Variants in TMEM234 observed in about 807,000 individuals in gnomAD.
TMEM234 encodes the protein chromosome 1 open reading frame 91.
Under a neutral mutation model 17.8 loss-of-function variants are expected in TMEM234, and 21 were observed. That is an observed-to-expected ratio of 1.18 (90% confidence interval 0.84 to 1.70). The LOEUF (loss-of-function observed/expected upper bound fraction) is 1.70, where lower values mean the gene tolerates loss of function less well. Ranked by LOEUF, TMEM234 falls within the 40% of genes most tolerant of loss-of-function variation. The pLI, the probability that TMEM234 is intolerant of heterozygous loss-of-function variation, is 0.00. For synonymous variants in TMEM234, 83 were observed against 73.5 expected (o/e 1.13, Z -0.66); for missense variants, 137 against 166.9 (o/e 0.82, Z 0.99).
At position 32,218,973 on chromosome 1, in the gene TMEM234, G is replaced by A. The variant is rs958362729; in HGVS notation, c.236-1622C>T. ...AACAAAAGAACAAAATTAGCCAGGC[G>A]TGGTGGCACATGCCCATAATCCCAG... On this transcript the variant is annotated intron_variant, in intron 3 of 4. Coordinates refer to ENST00000309777, the MANE Select transcript of TMEM234 (RefSeq NM_019118.5). 5.3e-5 allele frequency among the ~76,000 whole-genome samples: 8 copies of A among 152,106 alleles called. No individual in the cohort carries two copies. The South Asian group carries it at 8.3e-4, about 16-fold the overall frequency.
chr1:32,220,125 G>T (rs1045175245), intron 3 of TMEM234, among the ~76,000 whole-genome samples: 2 of 152,204 alleles, frequency 1.3e-5, no homozygotes, highest in Non-Finnish European at 2.9e-5. Flanking sequence ...CCACAGCAGT[G>T]AATGCATGAG....
chr1:32,215,469 C>A (rs11590013), downstream of TMEM234: 20,281 of 1,613,088 alleles, frequency 0.013, 168 homozygotes, highest in Non-Finnish European at 0.015. Flanking sequence ...AGCTCCCCAC[C>A]GAAGGAAGGA....
chr1:32,219,328 C>T (rs1638687071), intron 3 of TMEM234, among the ~76,000 whole-genome samples: 1 of 152,194 alleles, frequency 6.6e-6, no homozygotes, highest in South Asian at 2.1e-4. Context: ...GGAGGCATTA[C>T]CCATCTAAGA....
chr1:32,222,120 C>A (rs1426734248), intron 1 of TMEM234, 102 bp from the exon 2 acceptor site: 2 of 1,503,856 alleles, frequency 1.3e-6, no homozygotes, highest in African/African-American at 1.4e-5. Flanking sequence ...CCACTTCCCT[C>A]CTTCGCTCTC....
At chr1:32,218,530 C>T (rs1319966307) in intron 3 of TMEM234, among the ~76,000 whole-genome samples, 1 of 150,016 alleles carries the variant, frequency 6.7e-6, no homozygotes, top group Non-Finnish European at 1.5e-5. Context: ...CAGCCAGGCG[C>T]AGTGGCTCAT....
chr1:32,216,652 G>C lies in TMEM234; in HGVS notation c.*201C>G. ...GTAGAGTCTCCTGTGCTAAATCCCC[G>C]CAGCTGAACAGCACTTGAAGGTTAC... On this transcript the variant is annotated 3_prime_UTR_variant, in exon 5 of 5. Transcript: ENST00000309777. The C allele has an allele frequency of 6.6e-7, 1 of 1,509,026 alleles. No homozygotes were observed. Among genetic ancestry groups the C allele is most frequent in the Non-Finnish European group, 8.9e-7 (1 of 1,123,392 alleles). 93.5% of individuals were successfully genotyped at this position (1,509,026 alleles called of 1,614,324 possible).
chr1:32,222,125 G>C, intron 1 of TMEM234, 107 bp from the exon 2 acceptor site: 1 of 1,502,860 alleles, frequency 6.7e-7, no homozygotes, highest in Non-Finnish European at 8.9e-7. Flanking sequence ...TCCCTCCTTC[G>C]CTCTCTTCGC....
chr1:32,216,394 C>CG lies in TMEM234; in HGVS notation c.*458dup. On this transcript the variant is annotated 3_prime_UTR_variant, in exon 5 of 5. Transcript: ENST00000309777. ...GCCACTCCGACGCACCTTCTTCCCTCGGTTCCACCCCTCATTCAGCCAAAG... is the reference window on the plus strand; with the variant it reads ...GCCACTCCGACGCACCTTCTTCCCTCGGGTTCCACCCCTCATTCAGCCAAAG... 1.3e-6 allele frequency: 2 copies of CG among 1,551,388 alleles called. No individual in the cohort carries two copies. Among genetic ancestry groups the CG allele is most frequent in the Middle Eastern group, 1.7e-4 (1 of 5,992 alleles).
chr1:32,215,936 C>T (rs758249739), downstream of TMEM234: 210 of 1,492,278 alleles, frequency 1.4e-4, 1 homozygote, highest in Middle Eastern at 2.0e-4. Flanking sequence ...GACCACTACT[C>T]TGGCCACCTT....
chr1:32,217,182 G>A (rs756474482), intron 4 of TMEM234, 77 bp downstream of exon 4: 4 of 1,613,198 alleles, frequency 2.5e-6, no homozygotes, highest in Non-Finnish European at 3.4e-6. Context: ...CTGGGGAGAT[G>A]GGTTCTGGGA....
intron 4 of TMEM234, 56 bp from the exon 5 acceptor site, chr1:32,217,003 T>C: frequency 6.2e-7 from 1 of 1,611,996 alleles, no homozygotes; most frequent in Non-Finnish European, 8.5e-7. Flanking sequence ...CAGTAGGAGC[T>C]GGTACAGGGC....
At chr1:32,222,272 G>A (rs766105675) in intron 1 of TMEM234, 35 bp downstream of exon 1, 3 of 1,534,916 alleles carry the variant, frequency 2.0e-6, no homozygotes, top group East Asian at 4.5e-5. Context: ...GGCGAGGGTC[G>A]GGAAATCCAT....
downstream of TMEM234, chr1:32,214,653 G>A: frequency 8.4e-7 from 1 of 1,196,088 alleles, no homozygotes; most frequent in South Asian, 1.6e-5. Context: ...GCAGCAAGGA[G>A]GGAGGACGTA....
At chr1:32,220,771 A>T (rs1638826789) in intron 3 of TMEM234, among the ~76,000 whole-genome samples, 1 of 152,182 alleles carries the variant, frequency 6.6e-6, no homozygotes, top group Non-Finnish European at 1.5e-5. Flanking sequence ...AATGCTATGA[A>T]GCCAACTATA....
chr1:32,217,234 C>T lies in TMEM234; in HGVS notation c.328+25G>A, dbSNP rs760411026. The T allele has an allele frequency of 8.7e-6, 14 of 1,614,098 alleles. No individual in the cohort carries two copies. In the African/African-American group the frequency reaches 1.6e-4, roughly 18 times the overall value. ...ATGTCGAGATCCACAGAGCTGCGTC[C>T]CGCACTCGCAGTAGTCTAACTTACG... On this transcript the variant is annotated intron_variant, in intron 4 of 4. Coordinates refer to ENST00000309777, the MANE Select transcript of TMEM234 (RefSeq NM_019118.5).
Position 32,216,958 on chromosome 1 carries a change from A to T in TMEM234, c.329-11T>A. On this transcript the variant is annotated splice_polypyrimidine_tract_variant and intron_variant, in intron 4 of 4. Coordinates refer to ENST00000309777, the MANE Select transcript of TMEM234 (RefSeq NM_019118.5). ...TGCCAGCAACTGCTCCTGGGATAATAGGCAGAAATCAGGAGGGTCTGAGCT... is the reference window on the plus strand; with the variant it reads ...TGCCAGCAACTGCTCCTGGGATAATTGGCAGAAATCAGGAGGGTCTGAGCT... 6.2e-7 allele frequency: 1 copy of T among 1,614,216 alleles called. No individual in the cohort carries two copies. The highest frequency in any genetic ancestry group is 8.5e-7 in the Non-Finnish European group (1 of 1,180,030).
Position 32,217,257 on chromosome 1 carries a change from AC to A in TMEM234, c.328+1del, listed in dbSNP as rs1159089511. ...TCCCGCACTCGCAGTAGTCTAACTT[AC>A]GTTTTCCACCAATATCTTCTCCAAG... On this transcript the variant is annotated splice_donor_variant, in intron 4 of 4. Coordinates refer to ENST00000309777, the MANE Select transcript of TMEM234 (RefSeq NM_019118.5). LOFTEE classifies it high-confidence loss of function. 1.9e-6 allele frequency: 3 copies of A among 1,614,078 alleles called. No individual in the cohort carries two copies. Among genetic ancestry groups the A allele is most frequent in the East Asian group, 2.2e-5 (1 of 44,904 alleles).
chr1:32,216,934 G>A lies in TMEM234; in HGVS notation c.342C>T (p.Gly114=). 3.1e-6 allele frequency: 5 copies of A among 1,614,154 alleles called. No homozygotes were observed. The highest frequency in any genetic ancestry group is 1.1e-5 in the South Asian group (1 of 91,084). Residue 114 remains glycine (G), a synonymous_variant, in exon 5 of 5, where the codon GGC becomes GGT. Coordinates refer to ENST00000309777, the MANE Select transcript of TMEM234 (RefSeq NM_019118.5). ...EDIGGKRAVA[G]MVLTVIGISL... is the part of the protein sequence containing the mutation. ...AAATTCCTATCACGGTGAGCACCAT[G>A]CCAGCAACTGCTCCTGGGATAATAG...
intron 2 of TMEM234, 51 bp from the exon 3 acceptor site, chr1:32,221,248 C>G (rs755815657): frequency 6.9e-7 from 1 of 1,446,498 alleles, no homozygotes; most frequent in South Asian, 1.2e-5. Context: ...CTGAGCAGCA[C>G]TGCCTTCTTT....
Sources: gnomAD v4.1 joint callset for allele counts (sites outside exome capture counted in the v4.1 genomes callset) on GRCh38, gnomAD v4.1.1 for gene constraint, MANE v1.5 for transcripts, NCBI Gene and HGNC (gene_info 2026-07-23, HGNC 2026-07-21) for gene names.